COL4A2: variants seen among roughly 807,000 people sequenced by gnomAD.
COL4A2 encodes the protein collagen alpha-2(IV) chain.
A neutral mutation model predicts 200.2 loss-of-function variants in COL4A2; 99 were observed. The observed-to-expected ratio is 0.49, with a 90% CI of 0.42 to 0.58. The LOEUF (loss-of-function observed/expected upper bound fraction) is 0.58. Ranked by LOEUF, COL4A2 falls within the 20% of genes least tolerant of loss-of-function variation. The pLI, the probability that COL4A2 is intolerant of heterozygous loss-of-function variation, is 0.00. For missense variants in COL4A2, 1,950 were observed against 2,314.1 expected (o/e 0.84, Z 3.23); for synonymous variants, 897 against 900.6 (o/e 1.00, Z 0.07).
At chr13:110,355,084 G>T (rs1877134781) in intron 3 of COL4A2, among the ~76,000 whole-genome samples, 1 of 152,246 alleles carries the variant, frequency 6.6e-6, no homozygotes, top group Non-Finnish European at 1.5e-5. Context: ...AATACAATTT[G>T]CTTAACATTG....
intron 11 of COL4A2, 23 bp downstream of exon 11, chr13:110,432,383 G>C: frequency 1.3e-6 from 2 of 1,599,980 alleles, no homozygotes; most frequent in Non-Finnish European, 1.7e-6. Flanking sequence ...TGGGGGGTGA[G>C]GATGAGGGAA....
intron 4 of COL4A2, among the ~76,000 whole-genome samples, chr13:110,357,983 G>C (rs1441346982): frequency 5.9e-5 from 9 of 152,028 alleles, no homozygotes; most frequent in Non-Finnish European, 1.3e-4. Context: ...ATCAACACTG[G>C]GTCTTAGGCG....
chr13:110,386,404 A>C (rs1304797508), intron 4 of COL4A2, among the ~76,000 whole-genome samples: 5 of 152,200 alleles, frequency 3.3e-5, no homozygotes, highest in Admixed American at 1.3e-4. Context: ...ACAGTGCTGG[A>C]AAAGTAGGAT....
At chr13:110,489,905 A>T (rs1883230274) in intron 36 of COL4A2, 120 bp downstream of exon 36, 4 of 998,944 alleles carry the variant, frequency 4.0e-6, no homozygotes, top group Non-Finnish European at 6.0e-6. Flanking sequence ...ATAGTGAATG[A>T]GGTCTTCAAG....
chr13:110,474,630 ATACC>A (rs1257297727), intron 29 of COL4A2, among the ~76,000 whole-genome samples: 5 of 152,190 alleles, frequency 3.3e-5, no homozygotes, highest in African/African-American at 9.7e-5. Context: ...ACACATGCAG[ATACC>A]TACACACGTG....
intron 3 of COL4A2, among the ~76,000 whole-genome samples, chr13:110,338,579 G>C (rs545406459): frequency 6.6e-6 from 1 of 152,184 alleles, no homozygotes; most frequent in Non-Finnish European, 1.5e-5. Flanking sequence ...GGCCTCTGCC[G>C]AGAAGCTAAA....
At chr13:110,332,140 T>G (rs1223168640) in intron 3 of COL4A2, among the ~76,000 whole-genome samples, 2 of 152,244 alleles carry the variant, frequency 1.3e-5, no homozygotes, top group Non-Finnish European at 2.9e-5. Context: ...GTCATTATAC[T>G]TTTTTCTTTT....
rs145899882 is a variant in COL4A2, at chr13:110,463,462, T to C, written c.1776+1078T>C. ...CATCATTGGAGGACGATTGAAGTCA[T>C]AATCCTCTTTCTCCTCCTCAGAGCC... On this transcript the variant is annotated intron_variant, in intron 24 of 47. Coordinates refer to ENST00000360467, the MANE Select transcript of COL4A2 (RefSeq NM_001846.4). Among the ~76,000 whole-genome samples, 18 of 152,336 alleles carry C rather than the reference T, an allele frequency of 1.2e-4. No homozygotes were observed. In the Middle Eastern group the frequency reaches 0.01, roughly 86 times the overall value.
chr13:110,381,174 A>G (rs1878474817), intron 4 of COL4A2, among the ~76,000 whole-genome samples: 1 of 146,976 alleles, frequency 6.8e-6, no homozygotes, highest in Non-Finnish European at 1.5e-5. Context: ...CACGGGCTCT[A>G]TCTCACATCC....
At chr13:110,314,498 G>A (rs1169645878) in intron 3 of COL4A2, among the ~76,000 whole-genome samples, 1 of 152,206 alleles carries the variant, frequency 6.6e-6, no homozygotes, top group Non-Finnish European at 1.5e-5. Context: ...TGAGTAAAAG[G>A]ATTTTTGTCC....
chr13:110,320,945 A>T (rs1690700747), intron 3 of COL4A2, among the ~76,000 whole-genome samples: 1 of 152,184 alleles, frequency 6.6e-6, no homozygotes, highest in African/African-American at 2.4e-5. Context: ...GGCCTGTTTC[A>T]TGGGCTTTTC....
At chr13:110,451,535 G>A (rs181272926) in intron 20 of COL4A2, among the ~76,000 whole-genome samples, 267 of 152,230 alleles carry the variant, frequency 1.8e-3, no homozygotes, top group Middle Eastern at 3.4e-3. Context: ...GTCCTTCTTC[G>A]TGGCATCAGG....
intron 12 of COL4A2, 23 bp from the exon 13 acceptor site, chr13:110,436,246 T>C (rs1880864676): frequency 6.2e-7 from 1 of 1,613,316 alleles, no homozygotes; most frequent in Non-Finnish European, 8.5e-7. Context: ...TAAAGACAAC[T>C]GCTTTTGCTT....
intron 3 of COL4A2, among the ~76,000 whole-genome samples, chr13:110,347,356 T>A (rs1876752315): frequency 6.6e-6 from 1 of 152,158 alleles, no homozygotes; most frequent in Non-Finnish European, 1.5e-5. Flanking sequence ...CTGAGTTACA[T>A]CACCAAACCC....
At chr13:110,507,144 C>T (rs1303649037) in intron 46 of COL4A2, among the ~76,000 whole-genome samples, 1 of 152,234 alleles carries the variant, frequency 6.6e-6, no homozygotes, top group African/African-American at 2.4e-5. Flanking sequence ...CTGAGGTCCT[C>T]TTTGAGGGGG....
intron 3 of COL4A2, among the ~76,000 whole-genome samples, chr13:110,329,180 A>G (rs1175203990): frequency 6.6e-6 from 1 of 152,262 alleles, no homozygotes; most frequent in African/African-American, 2.4e-5. Flanking sequence ...TGTTACTTCA[A>G]TACTTGGGGT....
chr13:110,481,999 G>A lies in COL4A2; in HGVS notation c.2759-517G>A, dbSNP rs761626562. 4.6e-3 allele frequency among the ~76,000 whole-genome samples: 464 copies of A among 100,292 alleles called. 51 individuals carry two copies. The highest frequency in any genetic ancestry group is 7.4e-3 in the Non-Finnish European group (333 of 45,188). The allele number at this position is 100,292 out of a possible 152,430, so 65.8% of individuals were successfully genotyped here. A position where few individuals can be genotyped will look rare whatever the true frequency, so the allele number is the denominator to read the frequency against. On this transcript the variant is annotated intron_variant, in intron 31 of 47. Coordinates refer to ENST00000360467, the MANE Select transcript of COL4A2 (RefSeq NM_001846.4). ...TTCCGTTGCTGGAGACACATTGGTCGGTCCTTCCATTGCTGGAGACACATG... is the reference window on the plus strand; with the variant it reads ...TTCCGTTGCTGGAGACACATTGGTCAGTCCTTCCATTGCTGGAGACACATG...
At chr13:110,500,986 C>T (rs994080454) in intron 40 of COL4A2, among the ~76,000 whole-genome samples, 1 of 152,256 alleles carries the variant, frequency 6.6e-6, no homozygotes, top group African/African-American at 2.4e-5. Flanking sequence ...CTACAGAGAC[C>T]AAGACAAGGA....
chr13:110,430,781 G>A (rs1299130856), intron 10 of COL4A2, 174 bp downstream of exon 10: 4 of 943,660 alleles, frequency 4.2e-6, no homozygotes, highest in Non-Finnish European at 6.9e-6. Flanking sequence ...CTTTGCTGCT[G>A]TTAAGGTTGA....
Sources: allele counts gnomAD v4.1 joint callset (sites outside exome capture counted in the v4.1 genomes callset), GRCh38; gene constraint gnomAD v4.1.1; transcripts MANE v1.5; gene names NCBI Gene and HGNC (gene_info 2026-07-23, HGNC 2026-07-21).